Variants in PTPRA observed in about 807,000 individuals in gnomAD.
The protein encoded by PTPRA is protein tyrosine phosphatase receptor type A.
PTPRA carries 25 observed loss-of-function variants against 104.8 expected under a neutral mutation model. That is an observed-to-expected ratio of 0.24 (90% confidence interval 0.17 to 0.33). The LOEUF (loss-of-function observed/expected upper bound fraction) is 0.33. PTPRA is among the 10% of genes least tolerant of loss of function. PTPRA has a pLI of 1.00. For synonymous variants in PTPRA, 323 were observed against 368.9 expected (o/e 0.88, Z 1.43); for missense variants, 765 against 1,015.3 (o/e 0.75, Z 3.35).
At chr20:3,006,047 G>C (rs549651572) in intron 10 of PTPRA, among the ~76,000 whole-genome samples, 4 of 151,312 alleles carry the variant, frequency 2.6e-5, no homozygotes, top group Non-Finnish European at 5.9e-5. Flanking sequence ...TTTTTGTAGA[G>C]ATGGTCTTGC....
intron 1 of PTPRA, among the ~76,000 whole-genome samples, chr20:2,897,814 A>G (rs946481189): frequency 2.0e-5 from 3 of 149,426 alleles, no homozygotes; most frequent in South Asian, 2.1e-4. Flanking sequence ...TTCCTTTTTC[A>G]TGTATTTTTT....
In PTPRA at chr20:2,910,581, T is replaced by TC. The variant is rs1365776013; in HGVS notation, c.-128-12626_-128-12625insC. 4.6e-3 allele frequency among the ~76,000 whole-genome samples: 347 copies of TC among 75,298 alleles called. 12 individuals carry two copies. Among genetic ancestry groups the TC allele is most frequent in the Middle Eastern group, 0.028 (5 of 178 alleles). 49.4% of individuals were successfully genotyped at this position (75,298 alleles called of 152,430 possible). A position where few individuals can be genotyped will look rare whatever the true frequency, so the allele number is the denominator to read the frequency against. On this transcript the variant is annotated intron_variant, in intron 1 of 23. Coordinates refer to ENST00000399903, the MANE Select transcript of PTPRA (RefSeq NM_001385305.1). ...TGTGTGCTATCATGCCCAGCTAGTT[T>TC]TTTTTTTGTTTTTTTTTTGTTTTTT...
chr20:2,915,496 T>TTATC (rs56198632), intron 1 of PTPRA, among the ~76,000 whole-genome samples: 145,334 of 152,008 alleles, frequency 0.96, 69,520 homozygotes, highest in East Asian at 1. Context: ...TAAGAGTTCT[T>TTATC]TATTCTGATA....
At chr20:2,883,931 A>G (rs2090220642) in intron 1 of PTPRA, among the ~76,000 whole-genome samples, 1 of 152,042 alleles carries the variant, frequency 6.6e-6, no homozygotes, top group Non-Finnish European at 1.5e-5. Context: ...GGCAACTACT[A>G]ATCTTCCTGT....
In PTPRA at chr20:2,973,537, G is replaced by C. The variant is rs146728909; in HGVS notation, c.416-1678G>C. Among the ~76,000 whole-genome samples the C allele has an allele frequency of 3.1e-4, 47 of 152,290 alleles. No homozygotes were observed. The East Asian group carries it at 7.9e-3, about 26-fold the overall frequency. On this transcript the variant is annotated intron_variant, in intron 5 of 23. Transcript: ENST00000399903. ...AGAGGTAGACAGGGCCTTCGTCTCA[G>C]TAGGGACCAAATTCCTTTCCTCTTG...
chr20:2,987,894 C>CA (rs1244100855), intron 7 of PTPRA, 138 bp from the exon 8 acceptor site: 1 of 827,032 alleles, frequency 1.2e-6, no homozygotes, highest in Non-Finnish European at 2.1e-6. Context: ...TCAGGGTGTG[C>CA]ATGACCTGTC....
In PTPRA at chr20:3,022,332, T is replaced by C; in HGVS notation, c.1328+112T>C. On this transcript the variant is annotated intron_variant, in intron 15 of 23. Transcript: ENST00000399903. This position sits in a 1 kb window ranked among gnomAD's most constrained non-coding sequence, Gnocchi z 4.6. Reference sequence around the variant, plus strand: ...GGAGGCTGGCACAGAGTAGATGACCTACTGGGGCACCAGCGCAACAGCCAG... The same window carrying C: ...GGAGGCTGGCACAGAGTAGATGACCCACTGGGGCACCAGCGCAACAGCCAG... 7.4e-7 allele frequency: 1 copy of C among 1,343,736 alleles called. No individual in the cohort carries two copies. 83.2% of individuals were successfully genotyped at this position (1,343,736 alleles called of 1,614,324 possible). A position where few individuals can be genotyped will look rare whatever the true frequency, so the allele number is the denominator to read the frequency against.
chr20:2,975,192 T>C, intron 5 of PTPRA, 23 bp from the exon 6 acceptor site: 1 of 1,567,970 alleles, frequency 6.4e-7, no homozygotes, highest in East Asian at 2.2e-5. Context: ...AATGAATGTT[T>C]CTATTTTTTA....
At chr20:3,001,954 G>A (rs971749213) in intron 9 of PTPRA, among the ~76,000 whole-genome samples, 8 of 152,064 alleles carry the variant, frequency 5.3e-5, no homozygotes, top group Admixed American at 3.9e-4. Context: ...GGGCAACATA[G>A]CAAGATCCAC....
intron 2 of PTPRA, among the ~76,000 whole-genome samples, chr20:2,931,716 GC>G (rs2060510024): frequency 4.4e-5 from 2 of 45,226 alleles, no homozygotes; most frequent in African/African-American, 8.1e-5. Flanking sequence ...ACGGGTCTTG[GC>G]TTGTGTGTGT....
the PTPRA span, chr20:2,864,279 C>T: frequency 6.2e-7 from 1 of 1,614,186 alleles, no homozygotes; most frequent in Non-Finnish European, 8.5e-7. This position sits in a 1 kb window ranked among gnomAD's most constrained non-coding sequence, Gnocchi z 5.2. Context: ...AGCGGGGACA[C>T]TGACCTGGGT....
At position 2,988,471 on chromosome 20, in the gene PTPRA, C is replaced by G; in HGVS notation, c.735C>G (p.Phe245Leu). ...ACAATAAGCTCTTCAGGGAGGAATT[C>G]AACGTGAGTACTTTGTTGAGGCTGG... ...ADDNKLFREE[F>L]NALPACPIQA... Residue 245 changes from phenylalanine (F) to leucine (L), a missense_variant, in exon 9 of 24, where the codon TTC becomes TTG. Around this residue, in one of 4 missense-constraint regions of PTPRA, gnomAD observed 245 missense variants for 398.7 expected, o/e 0.61. Coordinates refer to ENST00000399903, the MANE Select transcript of PTPRA (RefSeq NM_001385305.1). The G allele has an allele frequency of 1.2e-6, 2 of 1,612,672 alleles. No homozygotes were observed. The highest frequency in any genetic ancestry group is 1.7e-6 in the Non-Finnish European group (2 of 1,179,766).
chr20:3,028,513 C>T (rs1252073023), intron 20 of PTPRA, among the ~76,000 whole-genome samples: 1 of 152,208 alleles, frequency 6.6e-6, no homozygotes, highest in Non-Finnish European at 1.5e-5. Context: ...CAGAATCATA[C>T]AGCCTCTACT....
At chr20:2,910,578 G>GTTTC (rs1337126801) in intron 1 of PTPRA, among the ~76,000 whole-genome samples, 475 of 32,312 alleles carry the variant, frequency 0.015, 12 homozygotes, top group South Asian at 0.023. Context: ...TGCCCAGCTA[G>GTTTC]TTTTTTTTTT....
chr20:2,958,386 C>G (rs1358603228), intron 3 of PTPRA, among the ~76,000 whole-genome samples: 1 of 151,888 alleles, frequency 6.6e-6, no homozygotes, highest in Admixed American at 6.6e-5. Flanking sequence ...GAGAGGCTGG[C>G]CTAGATGGGG....
intron 1 of PTPRA, among the ~76,000 whole-genome samples, chr20:2,914,223 T>C (rs761488725): frequency 1.3e-5 from 2 of 152,174 alleles, no homozygotes; most frequent in Admixed American, 6.5e-5. Flanking sequence ...GCCCTTCTTA[T>C]ACTTTTCCTG....
At chr20:2,895,605 C>T (rs1045853022) in intron 1 of PTPRA, among the ~76,000 whole-genome samples, 6 of 152,200 alleles carry the variant, frequency 3.9e-5, no homozygotes, top group Non-Finnish European at 7.3e-5. Context: ...CAAACTTAGC[C>T]TCCTGCGTTC....
At chr20:2,940,332 T>G (rs184122188) in intron 2 of PTPRA, among the ~76,000 whole-genome samples, 4 of 151,984 alleles carry the variant, frequency 2.6e-5, no homozygotes, top group Non-Finnish European at 5.9e-5. Context: ...CTTTTTTTTT[T>G]TTTTAAAGAG....
chr20:2,921,832 C>T (rs1392779101), intron 1 of PTPRA, among the ~76,000 whole-genome samples: 3 of 152,212 alleles, frequency 2.0e-5, no homozygotes, highest in Non-Finnish European at 2.9e-5. Flanking sequence ...AGGAATACCA[C>T]AAGAGGTAGA....
Sources: gnomAD v4.1 joint callset for allele counts (sites outside exome capture counted in the v4.1 genomes callset) on GRCh38, gnomAD v4.1.1 for gene constraint, gnomAD v4.1.1 regional missense constraint, Gnocchi (gnomAD v3.1) non-coding constraint, MANE v1.5 for transcripts, NCBI Gene and HGNC (gene_info 2026-07-23, HGNC 2026-07-21) for gene names.